ATP8A1: variants seen among roughly 807,000 people sequenced by gnomAD.
ATP8A1 encodes phospholipid-transporting ATPase IA.
Under a neutral mutation model 177.7 loss-of-function variants are expected in ATP8A1, and 90 were observed. The observed-to-expected ratio is 0.51, with a 90% CI of 0.43 to 0.60. ATP8A1 has a LOEUF of 0.60. Ranked by LOEUF, ATP8A1 falls within the 20% of genes least tolerant of loss-of-function variation. The pLI is 0.00. For synonymous variants in ATP8A1, 493 were observed against 485.9 expected, an observed-to-expected ratio of 1.01 and a Z score of -0.19; for missense variants, 1,072 against 1,392.8, an observed-to-expected ratio of 0.77 and a Z score of 3.67.
chr4:42,603,724 A>G (rs1380347427), intron 5 of ATP8A1, among the ~76,000 whole-genome samples: 1 of 152,198 alleles, frequency 6.6e-6, no homozygotes, highest in Non-Finnish European at 1.5e-5. Flanking sequence ...CACCAATATC[A>G]GCACCCCTAG....
intron 1 of ATP8A1, among the ~76,000 whole-genome samples, chr4:42,653,688 T>A (rs1741342251): frequency 1.3e-5 from 2 of 152,248 alleles, no homozygotes; most frequent in African/African-American, 2.4e-5. Context: ...TTAGATATTA[T>A]ATATTGGAGT....
chr4:42,597,287 G>C (rs995681728), intron 6 of ATP8A1, among the ~76,000 whole-genome samples: 2 of 152,128 alleles, frequency 1.3e-5, no homozygotes, highest in African/African-American at 4.8e-5. Flanking sequence ...ATTTTTAATT[G>C]GACTAAATAT....
chr4:42,490,105 T>A (rs1722594669), intron 24 of ATP8A1, among the ~76,000 whole-genome samples: 1 of 152,042 alleles, frequency 6.6e-6, no homozygotes, highest in African/African-American at 2.4e-5. Flanking sequence ...CAGTGGAAAG[T>A]GAGATTCTCG....
chr4:42,451,784 G>A lies in ATP8A1; in HGVS notation c.2896+197C>T, dbSNP rs928162838. Reference sequence around the variant, plus strand: ...ATGAGACGTAAAGAAGAAAGGCTTTGCATATATTAAATCACTTTGCTCCCA... The same window carrying A: ...ATGAGACGTAAAGAAGAAAGGCTTTACATATATTAAATCACTTTGCTCCCA... On this transcript the variant is annotated intron_variant, in intron 30 of 36. Transcript: ENST00000381668. 4.6e-5 allele frequency among the ~76,000 whole-genome samples: 7 copies of A among 152,190 alleles called. No homozygotes were observed. In the South Asian group the frequency reaches 1.4e-3, roughly 32 times the overall value.
Position 42,636,157 on chromosome 4 carries a change from C to CACGCGCGT in ATP8A1, c.50-9049_50-9048insACGCGCGT, listed in dbSNP as rs1553920762. Among the ~76,000 whole-genome samples, 6 of 15,078 alleles carry CACGCGCGT rather than the reference C, an allele frequency of 4.0e-4. No homozygotes were observed. In the South Asian group the frequency reaches 8.8e-3, roughly 22 times the overall value. 9.9% of individuals were successfully genotyped at this position (15,078 alleles called of 152,430 possible). A position where few individuals can be genotyped will look rare whatever the true frequency, so the allele number is the denominator to read the frequency against. The stretch of plus-strand genomic sequence containing the variant: ...ACACACACACACACACACACACACA[C>CACGCGCGT]GCACACACACACACATAAGCTTCTT... On this transcript the variant is annotated intron_variant, in intron 1 of 36. Transcript: ENST00000381668.
intron 33 of ATP8A1, among the ~76,000 whole-genome samples, chr4:42,429,579 G>T (rs1223519357): frequency 6.6e-6 from 1 of 152,184 alleles, no homozygotes; most frequent in Non-Finnish European, 1.5e-5. Context: ...CCTTCTGGCT[G>T]CCCTGGCCAA....
intron 20 of ATP8A1, among the ~76,000 whole-genome samples, chr4:42,533,457 C>T (rs972841877): frequency 2.0e-5 from 3 of 152,058 alleles, no homozygotes; most frequent in African/African-American, 7.2e-5. Context: ...ACTCCATTGG[C>T]CTGGGAACCG....
chr4:42,450,655 A>G (rs922708382), intron 30 of ATP8A1, among the ~76,000 whole-genome samples: 1 of 152,230 alleles, frequency 6.6e-6, no homozygotes, highest in African/African-American at 2.4e-5. Flanking sequence ...AAAGGAGATT[A>G]AAATCTTAGC....
At chr4:42,507,691 C>T (rs1193043217) in intron 22 of ATP8A1, among the ~76,000 whole-genome samples, 10 of 128,758 alleles carry the variant, frequency 7.8e-5, no homozygotes, top group Non-Finnish European at 1.1e-4. Flanking sequence ...GATCGTGCCA[C>T]TGCACTCCAG....
chr4:42,512,363 G>C (rs557146342), intron 22 of ATP8A1, among the ~76,000 whole-genome samples: 1 of 152,264 alleles, frequency 6.6e-6, no homozygotes, highest in East Asian at 1.9e-4. Context: ...TGAGTCACCC[G>C]TCAGGTGTAC....
chr4:42,414,872 G>A (rs1577884913), intron 35 of ATP8A1, 154 bp from the exon 36 acceptor site: 3 of 624,640 alleles, frequency 4.8e-6, no homozygotes, highest in South Asian at 3.8e-5. Context: ...CTCAGATAGC[G>A]AATGAAATTT....
At chr4:42,640,169 T>G (rs552356677) in intron 1 of ATP8A1, among the ~76,000 whole-genome samples, 183 of 152,328 alleles carry the variant, frequency 1.2e-3, no homozygotes, top group Non-Finnish European at 2.3e-3. Flanking sequence ...TCTACAGATG[T>G]GCTTTCAAAG....
intron 22 of ATP8A1, among the ~76,000 whole-genome samples, chr4:42,511,919 C>A (rs10517039): frequency 0.079 from 11,948 of 152,054 alleles, 626 homozygotes; most frequent in African/African-American, 0.15. Context: ...GGCTATTTGG[C>A]AGAAATTTCC....
chr4:42,511,004 C>T (rs1010856049), intron 22 of ATP8A1, among the ~76,000 whole-genome samples: 3 of 152,128 alleles, frequency 2.0e-5, no homozygotes, highest in African/African-American at 7.2e-5. Flanking sequence ...TAAAACATTT[C>T]GGAATATTCA....
intron 22 of ATP8A1, among the ~76,000 whole-genome samples, chr4:42,517,579 T>C (rs1311874868): frequency 6.6e-6 from 1 of 152,214 alleles, no homozygotes; most frequent in Non-Finnish European, 1.5e-5. Flanking sequence ...GATAATCCCA[T>C]CTGCATTCTA....
intron 15 of ATP8A1, among the ~76,000 whole-genome samples, chr4:42,566,623 T>C (rs1185038327): frequency 6.6e-6 from 1 of 152,206 alleles, no homozygotes; most frequent in Non-Finnish European, 1.5e-5. Flanking sequence ...CTGAAAGAAA[T>C]TCTAGGTTGA....
chr4:42,444,481 T>C (rs1716995380), intron 32 of ATP8A1, 97 bp downstream of exon 32: 1 of 1,188,218 alleles, frequency 8.4e-7, no homozygotes, highest in Non-Finnish European at 1.2e-6. Flanking sequence ...CATATTAACC[T>C]GGGACATATC....
Position 42,588,288 on chromosome 4 carries a change from T to C in ATP8A1, c.566A>G (p.Asp189Gly), listed in dbSNP as rs1214465616. Reference protein sequence around the residue: ...AMCYIETSNLDGETNLKIRQG... With the variant: ...AMCYIETSNLGGETNLKIRQG... Reference sequence around the variant, plus strand: ...TCTAATTTTCAAGTTTGTTTCACCATCTAAGTTGGATGTTTCAATGTAGCA... The same window carrying C: ...TCTAATTTTCAAGTTTGTTTCACCACCTAAGTTGGATGTTTCAATGTAGCA... Residue 189 changes from aspartate to glycine, a missense_variant, in exon 8 of 37, where the codon GAT (aspartate) becomes GGT (glycine). Around this residue, in one of 5 missense-constraint regions of ATP8A1, gnomAD observed 344 missense variants for 393.5 expected, o/e 0.87. Transcript: ENST00000381668. 4 of 1,613,788 alleles carry C rather than the reference T, an allele frequency of 2.5e-6. No homozygotes were observed. In the African/African-American group the frequency reaches 5.3e-5, roughly 22 times the overall value.
rs1712508433 is a variant in ATP8A1, at chr4:42,410,808, T to C, written c.*2108A>G. The C allele has an allele frequency of 6.6e-6, 1 of 152,180 alleles. No individual in the cohort carries two copies. Among genetic ancestry groups the C allele is most frequent in the African/African-American group, 2.4e-5 (1 of 41,448 alleles). The allele number at this position is 152,180 out of a possible 1,614,324, so 9.4% of individuals were successfully genotyped here. Reference sequence around the variant, plus strand: ...AGTCAGAAAATCCAGTTCTATTATATCCATAATGTTTTTATATTAAAATTC... The same window carrying C: ...AGTCAGAAAATCCAGTTCTATTATACCCATAATGTTTTTATATTAAAATTC... On this transcript the variant is annotated 3_prime_UTR_variant, in exon 37 of 37. Coordinates refer to ENST00000381668, the MANE Select transcript of ATP8A1 (RefSeq NM_006095.2).
Sources: allele counts gnomAD v4.1 joint callset (sites outside exome capture counted in the v4.1 genomes callset), GRCh38; gene constraint gnomAD v4.1.1; regional missense constraint gnomAD v4.1.1; transcripts MANE v1.5; gene names NCBI Gene and HGNC (gene_info 2026-07-23, HGNC 2026-07-21).